The following NAB1 variants were observed in gnomAD, a reference collection of about 807,000 sequenced individuals.
NAB1 encodes the protein NGFI-A-binding protein 1.
NAB1 carries 25 observed loss-of-function variants against 49.9 expected under a neutral mutation model. The observed-to-expected ratio is 0.50, with a 90% CI of 0.37 to 0.70. The LOEUF is 0.70. Among genes scored for constraint, NAB1 ranks in the 30% least tolerant of loss-of-function variants. NAB1 has a pLI of 0.00. For synonymous variants in NAB1, 198 were observed against 215.6 expected, an observed-to-expected ratio of 0.92 and a Z score of 0.71; for missense variants, 489 against 575.9, an observed-to-expected ratio of 0.85 and a Z score of 1.54.
At chr2:190,683,964 G>C in intron 7 of NAB1, 137 bp downstream of exon 7, 1 of 685,200 alleles carries the variant, frequency 1.5e-6, no homozygotes. Flanking sequence ...CGTCATCTGA[G>C]CCACAGCTGT....
rs1288819642 is a variant in NAB1 at position 190,669,429 on chromosome 2, A to G, written c.820-897A>G. ...GATATTATCCCATTTTGCCTCTCAG[A>G]ATACCAAGTACCAAGCCTCTCAAAA... On this transcript the variant is annotated intron_variant, in intron 4 of 9. Coordinates refer to ENST00000337386, the MANE Select transcript of NAB1 (RefSeq NM_005966.4). The surrounding 1 kb of genome is among the most constrained non-coding windows in gnomAD (Gnocchi z 4.3). Among the ~76,000 whole-genome samples the G allele has an allele frequency of 1.3e-5, 2 of 152,196 alleles. No individual in the cohort carries two copies. The highest frequency in any genetic ancestry group is 1.9e-4 in the East Asian group (1 of 5,202).
rs1277145789 is a variant in NAB1, at chr2:190,657,485, G to A, written c.-20+1332G>A. ...TCCTGAGATGCATCTCAGGCACCTG[G>A]GAAACTGTATTTTTCAAAAGCACCC... On this transcript the variant is annotated intron_variant, in intron 3 of 9. Transcript: ENST00000337386. The surrounding 1 kb of genome is among the most constrained non-coding windows in gnomAD (Gnocchi z 4.4). 6.6e-6 allele frequency among the ~76,000 whole-genome samples: 1 copy of A among 152,124 alleles called. No individual in the cohort carries two copies. The highest frequency in any genetic ancestry group is 1.5e-5 in the Non-Finnish European group (1 of 68,006).
chr2:190,658,741 TTATTG>T (rs1388587253), intron 3 of NAB1, among the ~76,000 whole-genome samples: 1 of 152,238 alleles, frequency 6.6e-6, no homozygotes, highest in Non-Finnish European at 1.5e-5. Flanking sequence ...TGTAAAGTGT[TTATTG>T]TATTGCCTGG....
In NAB1 at chr2:190,652,705, G is replaced by A. The variant is rs1409300936; in HGVS notation, c.-197+2723G>A. Reference sequence around the variant, plus strand: ...ATCCAGAAGTATCTTGACTTATATGGTACACCACTGAATGCTTACTAATAT... The same window carrying A: ...ATCCAGAAGTATCTTGACTTATATGATACACCACTGAATGCTTACTAATAT... On this transcript the variant is annotated intron_variant, in intron 2 of 9. Coordinates refer to ENST00000337386, the MANE Select transcript of NAB1 (RefSeq NM_005966.4). This position sits in a 1 kb window ranked among gnomAD's most constrained non-coding sequence, Gnocchi z 4.2. Among the ~76,000 whole-genome samples, 2 of 152,118 alleles carry A rather than the reference G, an allele frequency of 1.3e-5. No individual in the cohort carries two copies. Among genetic ancestry groups the A allele is most frequent in the Admixed American group, 1.3e-4 (2 of 15,260 alleles).
intron 6 of NAB1, among the ~76,000 whole-genome samples, chr2:190,683,295 T>A (rs1333847521): frequency 7.7e-6 from 1 of 129,654 alleles, no homozygotes; most frequent in East Asian, 2.3e-4. Context: ...CACTCCCAGC[T>A]AATTTTTTTT....
rs1259258638 is a variant in NAB1 at position 190,651,884 on chromosome 2, T to G, written c.-197+1902T>G. ...TCTATGCATATTTCATTGTGGAATT[T>G]GCTAAACATATTATAGCATAAATAA... On this transcript the variant is annotated intron_variant, in intron 2 of 9. Transcript: ENST00000337386. The surrounding 1 kb of genome is among the most constrained non-coding windows in gnomAD (Gnocchi z 4.3). 6.6e-6 allele frequency among the ~76,000 whole-genome samples: 1 copy of G among 152,238 alleles called. No individual in the cohort carries two copies. The highest frequency in any genetic ancestry group is 1.5e-5 in the Non-Finnish European group (1 of 68,034).
intron 5 of NAB1, among the ~76,000 whole-genome samples, chr2:190,671,490 GT>G (rs933615895): frequency 1.0e-4 from 15 of 147,268 alleles, no homozygotes; most frequent in East Asian, 2.0e-4. Context: ...TATTTATAAG[GT>G]TTTTTTTTTG....
rs1693967570 is a variant in NAB1 at position 190,657,181 on chromosome 2, A to G, written c.-20+1028A>G. ...GTATAGTGTAGTTTAATATAGCTCT[A>G]AACTTGGGTCTGTAACTCCTGAGAG... On this transcript the variant is annotated intron_variant, in intron 3 of 9. Coordinates refer to ENST00000337386, the MANE Select transcript of NAB1 (RefSeq NM_005966.4). This position sits in a 1 kb window ranked among gnomAD's most constrained non-coding sequence, Gnocchi z 4.4. 6.6e-6 allele frequency among the ~76,000 whole-genome samples: 1 copy of G among 152,192 alleles called. No individual in the cohort carries two copies. The highest frequency in any genetic ancestry group is 2.4e-5 in the African/African-American group (1 of 41,448).
rs747277215 is a variant in NAB1 at position 190,685,548 on chromosome 2, G to A, written c.1168G>A (p.Ala390Thr). Residue 390 changes from alanine (A) to threonine (T), a missense_variant, in exon 8 of 10, where the codon GCC (alanine) becomes ACC (threonine). This residue lies in a region of NAB1 where 212 missense variants were observed against 199.3 expected (regional missense o/e 1.06). Transcript: ENST00000337386. This position sits in a 1 kb window ranked among gnomAD's most constrained non-coding sequence, Gnocchi z 4.5. ...NQAGYERLQHAERRLSAGLYR... is the reference protein window; with the variant it reads ...NQAGYERLQHTERRLSAGLYR... ...AGCTGGCTATGAGAGACTGCAGCATGCCGAGAGGAGGTTGTCTGCAGGGCT... is the reference window on the plus strand; with the variant it reads ...AGCTGGCTATGAGAGACTGCAGCATACCGAGAGGAGGTTGTCTGCAGGGCT... The A allele has an allele frequency of 6.2e-7, 1 of 1,614,064 alleles. No individual in the cohort carries two copies. Among genetic ancestry groups the A allele is most frequent in the Non-Finnish European group, 8.5e-7 (1 of 1,180,004 alleles).
chr2:190,671,891 T>C (rs1286883901), intron 5 of NAB1, among the ~76,000 whole-genome samples: 2 of 147,606 alleles, frequency 1.4e-5, no homozygotes, highest in African/African-American at 5.0e-5. Flanking sequence ...TTCTCTTGCC[T>C]CAGCCTCCCA....
rs550740285 is a variant in NAB1, at chr2:190,674,407, A to T, written c.1005+1255A>T. On this transcript the variant is annotated intron_variant, in intron 6 of 9. Transcript: ENST00000337386. The surrounding 1 kb of genome is among the most constrained non-coding windows in gnomAD (Gnocchi z 5.7). Reference sequence around the variant, plus strand: ...TCAAGTCACAGCCGAGTTTCCCCTGACTTCCCTGCCTCCCTTTCTAAAGGG... The same window carrying T: ...TCAAGTCACAGCCGAGTTTCCCCTGTCTTCCCTGCCTCCCTTTCTAAAGGG... 6.6e-6 allele frequency among the ~76,000 whole-genome samples: 1 copy of T among 152,212 alleles called. No individual in the cohort carries two copies. The highest frequency in any genetic ancestry group is 2.4e-5 in the African/African-American group (1 of 41,540).
chr2:190,690,107 A>C lies in NAB1; in HGVS notation c.1376-138A>C, dbSNP rs1456382619. 3 of 618,052 alleles carry C rather than the reference A, an allele frequency of 4.9e-6. No homozygotes were observed. In the African/African-American group the frequency reaches 6.9e-5, roughly 14 times the overall value. The allele number at this position is 618,052 out of a possible 1,614,324, so 38.3% of individuals were successfully genotyped here. On this transcript the variant is annotated intron_variant, in intron 9 of 9. Transcript: ENST00000337386. ...AGCTCTTAACAGCTCTATGAACAAA[A>C]ATTTTGCATGGAATTACAGAATCAT... is the stretch of plus-strand genomic sequence containing the variant.
At chr2:190,672,803 C>T (rs1559241434) in intron 5 of NAB1, among the ~76,000 whole-genome samples, 1 of 146,436 alleles carries the variant, frequency 6.8e-6, no homozygotes, top group Non-Finnish European at 1.5e-5. Flanking sequence ...CATAGTGAGA[C>T]CCCATCTTTA....
At chr2:190,656,229 A>G (rs1693911891) in intron 3 of NAB1, 76 bp downstream of exon 3, 1 of 152,226 alleles carries the variant, frequency 6.6e-6, no homozygotes, top group Admixed American at 6.5e-5. Flanking sequence ...GACCCATTTT[A>G]TATTTACTTC....
In NAB1 at chr2:190,659,406, C is replaced by T; in HGVS notation, c.230C>T (p.Thr77Ile). 6.2e-7 allele frequency: 1 copy of T among 1,614,172 alleles called. No homozygotes were observed. The highest frequency in any genetic ancestry group is 1.7e-5 in the Admixed American group (1 of 60,024). The part of the protein sequence containing the change: ...RLQKALRDWV[T>I]NPGLFNQPLT... ...CAGAAGGCTTTGAGAGACTGGGTCA[C>T]AAACCCTGGGCTTTTCAATCAGCCA... Residue 77 changes from threonine to isoleucine, a missense_variant, in exon 4 of 10, where the codon ACA (threonine) becomes ATA (isoleucine). Around this residue, in one of 4 missense-constraint regions of NAB1, gnomAD observed 204 missense variants for 220.9 expected, o/e 0.92. Coordinates refer to ENST00000337386, the MANE Select transcript of NAB1 (RefSeq NM_005966.4). The surrounding 1 kb of genome is among the most constrained non-coding windows in gnomAD (Gnocchi z 6.2).
chr2:190,655,443 T>C (rs1693869443), intron 2 of NAB1, among the ~76,000 whole-genome samples: 2 of 152,138 alleles, frequency 1.3e-5, no homozygotes, highest in Admixed American at 1.3e-4. Flanking sequence ...AGAGATGTAA[T>C]ATAAAAATTT....
chr2:190,683,643 T>C, intron 6 of NAB1, 95 bp from the exon 7 acceptor site: 1 of 743,872 alleles, frequency 1.3e-6, no homozygotes, highest in Non-Finnish European at 2.2e-6. Context: ...ATTATTCAGG[T>C]AGTGAGATTA....
Position 190,686,464 on chromosome 2 carries a change from A to G in NAB1, c.1259-737A>G, listed in dbSNP as rs761169959. On this transcript the variant is annotated intron_variant, in intron 8 of 9. Transcript: ENST00000337386. The surrounding 1 kb of genome is among the most constrained non-coding windows in gnomAD (Gnocchi z 5.5). Reference sequence around the variant, plus strand: ...AAAAGGATTCCTAGGTAAGGATACCATCTTAACAAGGATTCTCCAGCCATG... The same window carrying G: ...AAAAGGATTCCTAGGTAAGGATACCGTCTTAACAAGGATTCTCCAGCCATG... 1.3e-5 allele frequency among the ~76,000 whole-genome samples: 2 copies of G among 152,236 alleles called. No homozygotes were observed.
Position 190,682,781 on chromosome 2 carries a change from G to A in NAB1, c.1006-957G>A, listed in dbSNP as rs922749782. Among the ~76,000 whole-genome samples, 1 of 152,016 alleles carries A rather than the reference G, an allele frequency of 6.6e-6. No individual in the cohort carries two copies. Among genetic ancestry groups the A allele is most frequent in the Admixed American group, 6.6e-5 (1 of 15,260 alleles). On this transcript the variant is annotated intron_variant, in intron 6 of 9. Transcript: ENST00000337386. The surrounding 1 kb of genome is among the most constrained non-coding windows in gnomAD (Gnocchi z 4.1). Reference sequence around the variant, plus strand: ...GAGTATCAAAAGTATAGATAAATTGGCATAAATTAAGAAAACAAGAATTCT... The same window carrying A: ...GAGTATCAAAAGTATAGATAAATTGACATAAATTAAGAAAACAAGAATTCT...
Sources: allele counts gnomAD v4.1 joint callset (sites outside exome capture counted in the v4.1 genomes callset), GRCh38; gene constraint gnomAD v4.1.1; regional missense constraint gnomAD v4.1.1; non-coding constraint Gnocchi (gnomAD v3.1); transcripts MANE v1.5; gene names NCBI Gene and HGNC (gene_info 2026-07-23, HGNC 2026-07-21).